Variants in TET3 observed in about 807,000 individuals in gnomAD.
The protein encoded by TET3 is methylcytosine dioxygenase TET3.
In TET3, 19 loss-of-function variants were observed where a neutral mutation model predicts 141.4. That is an observed-to-expected ratio of 0.13 (90% CI 0.09 to 0.20). The LOEUF is 0.20. Among genes scored for constraint, TET3 ranks in the 10% least tolerant of loss-of-function variants. The pLI is 1.00. For synonymous variants in TET3, 1,043 were observed against 980.9 expected, an observed-to-expected ratio of 1.06 and a Z score of -1.18; for missense variants, 1,874 against 2,356.9, an observed-to-expected ratio of 0.80 and a Z score of 4.24.
intron 3 of TET3, among the ~76,000 whole-genome samples, chr2:74,039,065 G>A (rs1687210448): frequency 6.6e-6 from 1 of 152,088 alleles, no homozygotes; most frequent in Non-Finnish European, 1.5e-5. Context: ...CACCAGCCTC[G>A]AACCCTGCAG....
chr2:74,114,618 G>A, the TET3 span, among the ~76,000 whole-genome samples: 2 of 151,936 alleles, frequency 1.3e-5, no homozygotes, highest in Admixed American at 6.6e-5. Flanking sequence ...CTGGGAGACC[G>A]AGGCAGGTAG....
downstream of TET3, among the ~76,000 whole-genome samples, chr2:74,112,816 C>G (rs1572922045): frequency 6.6e-6 from 1 of 151,630 alleles, no homozygotes; most frequent in East Asian, 2.0e-4. Flanking sequence ...GCCTGGCCAA[C>G]ACGGTGAAAG....
chr2:74,010,274 C>T (rs1299687464), intron 3 of TET3, among the ~76,000 whole-genome samples: 5 of 152,228 alleles, frequency 3.3e-5, no homozygotes, highest in Admixed American at 6.5e-5. Flanking sequence ...TCCCCGTCAC[C>T]TTCCAGATGC....
the TET3 span, among the ~76,000 whole-genome samples, chr2:74,132,191 C>T: frequency 1.4e-3 from 218 of 152,278 alleles, 2 homozygotes; most frequent in Admixed American, 2.6e-3. Flanking sequence ...AAGCCAGAGT[C>T]CAGCTAGAGG....
Position 74,047,444 on chromosome 2 carries a change from G to A in TET3, c.1527G>A (p.Arg509=). The change falls in exon 4 of 12, where the codon AGG becomes AGA. Residue 509 remains arginine (R), a synonymous_variant. Transcript: ENST00000409262. The stretch of plus-strand genomic sequence containing the variant: ...CGGCCCCATCCCCTGTACTTCAGAG[G>A]GAGGCTCCCACGCCATCCTCGGAGC... ...PAPAPSPVLQ[R]EAPTPSSEPD... The A allele has an allele frequency of 6.2e-7, 1 of 1,612,642 alleles. No individual in the cohort carries two copies. The highest frequency in any genetic ancestry group is 8.5e-7 in the Non-Finnish European group (1 of 1,179,806).
intron 4 of TET3, among the ~76,000 whole-genome samples, chr2:74,060,141 G>A (rs1282363909): frequency 2.6e-5 from 4 of 152,186 alleles, no homozygotes; most frequent in Non-Finnish European, 5.9e-5. Flanking sequence ...ATTGCTCCAC[G>A]TTCTCACCAG....
At chr2:74,017,133 T>G (rs909006052) in intron 3 of TET3, among the ~76,000 whole-genome samples, 1 of 151,876 alleles carries the variant, frequency 6.6e-6, no homozygotes, top group Non-Finnish European at 1.5e-5. Flanking sequence ...TAGCAAAAAA[T>G]TTAAAATTAG....
At position 74,093,751 on chromosome 2, in the gene TET3, G is replaced by A. The variant is rs1690646293; in HGVS notation, c.3267+85G>A. ...TGGTCTTTTCAGAAAGGCAGGCTGA[G>A]GGTAGGGAGGGACCTGGAGACAGGA... On this transcript the variant is annotated intron_variant, in intron 10 of 11. Transcript: ENST00000409262. This position sits in a 1 kb window ranked among gnomAD's most constrained non-coding sequence, Gnocchi z 4.2. The A allele has an allele frequency of 1.4e-6, 2 of 1,433,220 alleles. No homozygotes were observed. Among genetic ancestry groups the A allele is most frequent in the South Asian group, 1.5e-5 (1 of 65,592 alleles). The allele number at this position is 1,433,220 out of a possible 1,614,324, so 88.8% of individuals were successfully genotyped here. A position where few individuals can be genotyped will look rare whatever the true frequency, so the allele number is the denominator to read the frequency against.
chr2:74,058,570 AT>A (rs1295539353), intron 4 of TET3, among the ~76,000 whole-genome samples: 2 of 152,066 alleles, frequency 1.3e-5, no homozygotes, highest in Admixed American at 1.3e-4. Flanking sequence ...TTGTAGACAA[AT>A]TTTTTTTAAT....
At chr2:74,056,201 C>A (rs1319219144) in intron 4 of TET3, among the ~76,000 whole-genome samples, 1 of 152,126 alleles carries the variant, frequency 6.6e-6, no homozygotes, top group Non-Finnish European at 1.5e-5. Flanking sequence ...GCCATTGGTT[C>A]CCCACTGGAA....
chr2:74,005,959 TTCAAGGCTCCC>T (rs1251731747), intron 3 of TET3, among the ~76,000 whole-genome samples: 1 of 152,054 alleles, frequency 6.6e-6, no homozygotes, highest in Non-Finnish European at 1.5e-5. Context: ...CCGCCCTGCT[TTCAAGGCTCCC>T]ACACGGCTCC....
chr2:74,075,919 T>G (rs138030679), intron 5 of TET3, among the ~76,000 whole-genome samples: 53 of 152,274 alleles, frequency 3.5e-4, no homozygotes, highest in African/African-American at 1.2e-3. Context: ...GTTTGCAGAT[T>G]AGACCAGGCA....
intron 2 of TET3, 138 bp from the exon 3 acceptor site, chr2:74,002,972 G>C: frequency 3.5e-6 from 3 of 862,920 alleles, no homozygotes; most frequent in Non-Finnish European, 5.6e-6. Flanking sequence ...GATGGTCCCA[G>C]ATAGCCTTTC....
At chr2:73,995,132 G>A (rs900644081) in intron 2 of TET3, among the ~76,000 whole-genome samples, 1 of 152,016 alleles carries the variant, frequency 6.6e-6, no homozygotes, top group African/African-American at 2.4e-5. Context: ...GCTAATTTTT[G>A]TATTTTTAGT....
chr2:74,069,745 C>G (rs367958795), intron 4 of TET3, among the ~76,000 whole-genome samples: 1 of 152,060 alleles, frequency 6.6e-6, no homozygotes, highest in Admixed American at 6.6e-5. Context: ...TACCAACAAG[C>G]CTGGCTAGGT....
chr2:74,135,021 C>T, the TET3 span: 12 of 263,006 alleles, frequency 4.6e-5, no homozygotes, highest in South Asian at 8.0e-5. Flanking sequence ...CAGCTTCTGT[C>T]GTGGGAGGTG....
intron 3 of TET3, among the ~76,000 whole-genome samples, chr2:74,031,419 T>C (rs1477275470): frequency 6.6e-6 from 1 of 152,164 alleles, no homozygotes; most frequent in Non-Finnish European, 1.5e-5. Context: ...CTGTTCTGTT[T>C]CTCCAGCATT....
Position 74,102,165 on chromosome 2 carries a change from C to T in TET3, c.5377C>T (p.Arg1793Cys), listed in dbSNP as rs568566594. Residue 1793 changes from arginine (R) to cysteine (C), a missense_variant, in exon 12 of 12, where the codon CGC becomes TGC. Arg to Cys is a radical substitution (Grantham distance 180). This residue lies in a region of TET3 where 113 missense variants were observed against 114.3 expected (regional missense o/e 0.99). Transcript: ENST00000409262. ...CACGAAGGTCACTGGCCCCTACAGC[C>T]GCTGGATCTAGGTGCCAGGGAGCCA... ...AYTKVTGPYS[R>C]WI The T allele has an allele frequency of 6.6e-5, 95 of 1,443,144 alleles. No homozygotes were observed. Among genetic ancestry groups the T allele is most frequent in the South Asian group, 4.1e-4 (26 of 62,752 alleles). The allele number at this position is 1,443,144 out of a possible 1,614,324, so 89.4% of individuals were successfully genotyped here.
intron 3 of TET3, among the ~76,000 whole-genome samples, chr2:74,012,940 T>C (rs58521604): frequency 0.023 from 3,440 of 152,262 alleles, 139 homozygotes; most frequent in African/African-American, 0.079. Flanking sequence ...TCAAATGATA[T>C]TTCTCCTATT....
Sources: allele counts gnomAD v4.1 joint callset (sites outside exome capture counted in the v4.1 genomes callset), GRCh38; gene constraint gnomAD v4.1.1; regional missense constraint gnomAD v4.1.1; non-coding constraint Gnocchi (gnomAD v3.1); transcripts MANE v1.5; gene names NCBI Gene and HGNC (gene_info 2026-07-23, HGNC 2026-07-21).